Variants in DPY19L4 observed in about 807,000 individuals in gnomAD.
DPY19L4 encodes the protein probable C-mannosyltransferase DPY19L4.
DPY19L4 carries 97 observed loss-of-function variants against 102.8 expected under a neutral mutation model. The observed-to-expected ratio is 0.94, with a 90% confidence interval of 0.80 to 1.12. The LOEUF (loss-of-function observed/expected upper bound fraction) is 1.12. DPY19L4 is among the 50% of genes most tolerant of loss of function. The pLI, the probability that DPY19L4 is intolerant of heterozygous loss-of-function variation, is 0.00. For synonymous variants in DPY19L4, 252 were observed against 283.1 expected, an observed-to-expected ratio of 0.89 and a Z score of 1.10; for missense variants, 815 against 850.4, an observed-to-expected ratio of 0.96 and a Z score of 0.52.
intron 13 of DPY19L4, among the ~76,000 whole-genome samples, chr8:94,775,418 C>T (rs755922973): frequency 5.3e-5 from 8 of 152,128 alleles, no homozygotes; most frequent in South Asian, 2.1e-4. Context: ...TTGTTCCACC[C>T]GCCTCAGCCT....
At chr8:94,786,767 CA>C (rs1303235478) in intron 17 of DPY19L4, among the ~76,000 whole-genome samples, 4 of 152,054 alleles carry the variant, frequency 2.6e-5, no homozygotes, top group Admixed American at 1.3e-4. Flanking sequence ...AGGCTGGCCT[CA>C]AACTCCTGAT....
chr8:94,760,404 C>G (rs1470420337), intron 7 of DPY19L4, among the ~76,000 whole-genome samples: 1 of 152,200 alleles, frequency 6.6e-6, no homozygotes, highest in Non-Finnish European at 1.5e-5. Flanking sequence ...CTGTGCACAG[C>G]TATGGTGACA....
intron 16 of DPY19L4, among the ~76,000 whole-genome samples, chr8:94,781,717 A>G (rs1246863993): frequency 6.6e-6 from 1 of 152,234 alleles, no homozygotes; most frequent in Non-Finnish European, 1.5e-5. Context: ...ACCAAGGGGT[A>G]GAGAAAGAAG....
intron 17 of DPY19L4, among the ~76,000 whole-genome samples, chr8:94,787,590 G>T (rs939479381): frequency 6.6e-6 from 1 of 152,114 alleles, no homozygotes; most frequent in Non-Finnish European, 1.5e-5. Context: ...GATATCAAGA[G>T]TTGATCCAAT....
intron 6 of DPY19L4, 35 bp from the exon 7 acceptor site, chr8:94,756,001 T>C: frequency 1.3e-6 from 2 of 1,575,982 alleles, no homozygotes; most frequent in Non-Finnish European, 1.7e-6. Context: ...AAATATAATG[T>C]CTTATTTTTA....
chr8:94,788,025 A>C lies in DPY19L4; in HGVS notation c.1980A>C (p.Lys660Asn), dbSNP rs149490733. 332 of 1,482,014 alleles carry C rather than the reference A, an allele frequency of 2.2e-4. No homozygotes were observed. In the African/African-American group the frequency reaches 4.5e-3, roughly 20 times the overall value. 91.8% of individuals were successfully genotyped at this position (1,482,014 alleles called of 1,614,324 possible). Residue 660 changes from lysine (K) to asparagine (N), a missense_variant, in exon 18 of 19, where the codon AAA (lysine) becomes AAC (asparagine). Lys to Asn is a moderately conservative substitution (Grantham distance 94, BLOSUM62 0). Transcript: ENST00000414645. ...EVGPMRGCRVKDLLDIANGHM... is the reference protein window; with the variant it reads ...EVGPMRGCRVNDLLDIANGHM... Reference sequence around the variant, plus strand: ...GACCCATGAGAGGCTGTAGGGTTAAAGATTTATTAGACATTGCAAATGGCC... The same window carrying C: ...GACCCATGAGAGGCTGTAGGGTTAACGATTTATTAGACATTGCAAATGGCC...
At chr8:94,755,996 T>C in intron 6 of DPY19L4, 40 bp from the exon 7 acceptor site, 3 of 1,576,706 alleles carry the variant, frequency 1.9e-6, no homozygotes, top group Admixed American at 1.8e-5. Context: ...AACACAAATA[T>C]AATGTCTTAT....
chr8:94,773,582 C>T (rs1161084877), intron 13 of DPY19L4, among the ~76,000 whole-genome samples: 1 of 151,946 alleles, frequency 6.6e-6, no homozygotes, highest in Admixed American at 6.6e-5. Context: ...AGGCATGCGC[C>T]ACCACGCCCG....
intron 6 of DPY19L4, among the ~76,000 whole-genome samples, chr8:94,752,809 C>T (rs980146804): frequency 1.3e-5 from 2 of 151,016 alleles, no homozygotes; most frequent in Admixed American, 6.6e-5. Context: ...GGACTACAGG[C>T]GGTCGCCACC....
At chr8:94,761,974 A>G in intron 8 of DPY19L4, 140 bp downstream of exon 8, 3 of 881,434 alleles carry the variant, frequency 3.4e-6, no homozygotes, top group Non-Finnish European at 4.6e-6. Context: ...TTGGACAGAG[A>G]GAAGTTAATA....
intron 6 of DPY19L4, among the ~76,000 whole-genome samples, chr8:94,753,141 T>G (rs1367051296): frequency 6.6e-6 from 1 of 152,200 alleles, no homozygotes; most frequent in African/African-American, 2.4e-5. Flanking sequence ...TGGATGAGAT[T>G]ATAGGTGTTT....
At chr8:94,770,166 C>T (rs751124971) in intron 12 of DPY19L4, among the ~76,000 whole-genome samples, 47 of 152,086 alleles carry the variant, frequency 3.1e-4, no homozygotes, top group Non-Finnish European at 5.7e-4. Context: ...GGATTACAGG[C>T]GTAAGTCACT....
intron 6 of DPY19L4, among the ~76,000 whole-genome samples, chr8:94,752,242 A>G (rs907682058): frequency 6.6e-6 from 1 of 151,942 alleles, no homozygotes; most frequent in Admixed American, 6.6e-5. Flanking sequence ...TCATGTGTTT[A>G]TTGGTCATTC....
At chr8:94,759,900 C>G (rs952761072) in intron 7 of DPY19L4, among the ~76,000 whole-genome samples, 4 of 152,188 alleles carry the variant, frequency 2.6e-5, no homozygotes, top group Admixed American at 6.5e-5. Context: ...AACTTCAGTT[C>G]AATCTTTTGT....
At chr8:94,744,213 G>A (rs1053844453) in intron 6 of DPY19L4, 13 of 386,326 alleles carry the variant, frequency 3.4e-5, no homozygotes, top group South Asian at 1.9e-4. Context: ...GTACTGTGTC[G>A]TCTGAAGGCC....
intron 7 of DPY19L4, among the ~76,000 whole-genome samples, chr8:94,758,036 C>T (rs934205538): frequency 7.2e-5 from 11 of 151,884 alleles, no homozygotes; most frequent in Non-Finnish European, 1.0e-4. Flanking sequence ...CGCTTGAACC[C>T]GGAGGTGGGG....
chr8:94,734,754 G>T lies in DPY19L4; in HGVS notation c.252G>T (p.Gln84His). Residue 84 changes from glutamine to histidine, a missense_variant and splice_region_variant, in exon 3 of 19, where the codon CAG (glutamine) becomes CAT (histidine). Coordinates refer to ENST00000414645, the MANE Select transcript of DPY19L4 (RefSeq NM_181787.3). ...GGAAATTCTGGTTTTCCAACAGGCAGGTAAGAAGAAAGAATTTTGAGCATA... is the reference window on the plus strand; with the variant it reads ...GGAAATTCTGGTTTTCCAACAGGCATGTAAGAAGAAAGAATTTTGAGCATA... ...HERKFWFSNR[Q>H]ELEREITFQG... 1 of 1,613,078 alleles carries T rather than the reference G, an allele frequency of 6.2e-7. No homozygotes were observed. Among genetic ancestry groups the T allele is most frequent in the African/African-American group, 1.3e-5 (1 of 74,992 alleles).
intron 2 of DPY19L4, among the ~76,000 whole-genome samples, chr8:94,733,573 G>T (rs1393193312): frequency 6.6e-6 from 1 of 151,952 alleles, no homozygotes; most frequent in African/African-American, 2.4e-5. Flanking sequence ...ACAGAGTCTT[G>T]CTCTGTTGCC....
At chr8:94,763,569 G>A (rs1293122733) in intron 8 of DPY19L4, among the ~76,000 whole-genome samples, 1 of 150,878 alleles carries the variant, frequency 6.6e-6, no homozygotes, top group Non-Finnish European at 1.5e-5. Context: ...CACCCAGGCT[G>A]GAGTGCAGTG....
Sources: gnomAD v4.1 joint callset for allele counts (sites outside exome capture counted in the v4.1 genomes callset) on GRCh38, gnomAD v4.1.1 for gene constraint, MANE v1.5 for transcripts, NCBI Gene and HGNC (gene_info 2026-07-23, HGNC 2026-07-21) for gene names.